The following SLCO3A1 variants were observed in gnomAD, a reference collection of about 807,000 sequenced individuals.
The protein encoded by SLCO3A1 is solute carrier organic anion transporter family member 3A1.
In SLCO3A1, 27 loss-of-function variants were observed where a neutral mutation model predicts 63.1. That is an observed-to-expected ratio of 0.43 (90% confidence interval 0.32 to 0.59). The LOEUF (loss-of-function observed/expected upper bound fraction) is 0.59, where lower values mean the gene tolerates loss of function less well. Among genes scored for constraint, SLCO3A1 ranks in the 20% least tolerant of loss-of-function variants. The pLI is 0.09. For synonymous variants in SLCO3A1, 473 were observed against 409.9 expected (o/e 1.15, Z -1.86); for missense variants, 773 against 945.8 (o/e 0.82, Z 2.40).
rs1335340968 is a variant in SLCO3A1 at position 91,916,852 on chromosome 15, C to T, written c.646+394C>T. On this transcript the variant is annotated intron_variant, in intron 2 of 9. Coordinates refer to ENST00000318445, the MANE Select transcript of SLCO3A1 (RefSeq NM_013272.4). This position sits in a 1 kb window ranked among gnomAD's most constrained non-coding sequence, Gnocchi z 6.2. ...CAGCTTTGAAGAATCAGAATGATGT[C>T]CTGGTCATTGTCCTGTTGCAGCTCA... 6.6e-6 allele frequency among the ~76,000 whole-genome samples: 1 copy of T among 152,134 alleles called. No homozygotes were observed. The highest frequency in any genetic ancestry group is 2.4e-5 in the African/African-American group (1 of 41,410).
In SLCO3A1 at chr15:92,016,205, A is replaced by ATAGATAGAT. The variant is rs2046425083; in HGVS notation, c.647-78675_647-78667dup. On this transcript the variant is annotated intron_variant, in intron 2 of 9. Transcript: ENST00000318445. ...GCAGATTTGTTGTATATATATTTATATAGATAGATAGATAGATAGATAGAT... is the reference window on the plus strand; with the variant it reads ...GCAGATTTGTTGTATATATATTTATATAGATAGATTAGATAGATAGATAGATAGATAGAT... 3.4e-4 allele frequency among the ~76,000 whole-genome samples: 9 copies of ATAGATAGAT among 26,828 alleles called. No homozygotes were observed. The South Asian group carries it at 0.012, about 35-fold the overall frequency. The allele number at this position is 26,828 out of a possible 152,430, so 17.6% of individuals were successfully genotyped here.
At chr15:92,136,792 A>G (rs1160205890) in intron 7 of SLCO3A1, among the ~76,000 whole-genome samples, 4 of 152,088 alleles carry the variant, frequency 2.6e-5, no homozygotes, top group African/African-American at 7.2e-5. Flanking sequence ...GGTTTCTTGT[A>G]CATCCTTCTG....
chr15:92,052,924 T>C (rs2046974751), intron 2 of SLCO3A1, among the ~76,000 whole-genome samples: 1 of 152,242 alleles, frequency 6.6e-6, no homozygotes, highest in East Asian at 1.9e-4. Context: ...TTTACTTTTA[T>C]ATTGTGGCTA....
At chr15:92,075,811 G>C (rs1326787007) in intron 2 of SLCO3A1, among the ~76,000 whole-genome samples, 1 of 152,198 alleles carries the variant, frequency 6.6e-6, no homozygotes, top group African/African-American at 2.4e-5. Flanking sequence ...CTTTGAGATG[G>C]TTCCGCCAGT....
intron 2 of SLCO3A1, among the ~76,000 whole-genome samples, chr15:92,076,139 A>G (rs942725683): frequency 6.6e-6 from 1 of 152,178 alleles, no homozygotes; most frequent in African/African-American, 2.4e-5. Context: ...TGTCCCCCTT[A>G]GTGATAAAAT....
intron 2 of SLCO3A1, among the ~76,000 whole-genome samples, chr15:92,057,168 A>G (rs2047031667): frequency 1.3e-5 from 2 of 152,126 alleles, no homozygotes; most frequent in South Asian, 4.1e-4. Context: ...TTCCAAGCCG[A>G]AGGTGCTGGG....
At chr15:91,972,745 C>T (rs544697336) in intron 2 of SLCO3A1, among the ~76,000 whole-genome samples, 11 of 152,288 alleles carry the variant, frequency 7.2e-5, no homozygotes, top group South Asian at 2.1e-4. Context: ...CCTTGCGTGG[C>T]CTCTGGTGTG....
intron 1 of SLCO3A1, among the ~76,000 whole-genome samples, chr15:91,905,629 T>TGG (rs1555448418): frequency 8.2e-6 from 1 of 121,700 alleles, no homozygotes; most frequent in East Asian, 3.0e-4. Flanking sequence ...ATGCTTAGTT[T>TGG]TTTGTTTTTT....
chr15:92,002,741 AT>A (rs1295902133), intron 2 of SLCO3A1, among the ~76,000 whole-genome samples: 6 of 152,228 alleles, frequency 3.9e-5, no homozygotes, highest in Admixed American at 6.5e-5. Flanking sequence ...ATATTCTATA[AT>A]ATTTGAATTA....
chr15:92,117,243 G>A (rs1289253028), intron 4 of SLCO3A1, among the ~76,000 whole-genome samples: 1 of 152,200 alleles, frequency 6.6e-6, no homozygotes, highest in Non-Finnish European at 1.5e-5. Context: ...TGATAAAACT[G>A]AAATCATCAT....
intron 1 of SLCO3A1, among the ~76,000 whole-genome samples, chr15:91,861,033 C>T (rs1897035824): frequency 6.6e-6 from 1 of 152,216 alleles, no homozygotes; most frequent in Admixed American, 6.5e-5. Flanking sequence ...CTGGTCACAC[C>T]TGTCCTTGCG....
intron 6 of SLCO3A1, among the ~76,000 whole-genome samples, chr15:92,127,284 G>A (rs189446448): frequency 5.3e-5 from 8 of 152,344 alleles, no homozygotes; most frequent in African/African-American, 1.9e-4. Context: ...AACTCCCAAG[G>A]AGTAAAGGGT....
intron 7 of SLCO3A1, among the ~76,000 whole-genome samples, chr15:92,136,840 T>A (rs4777733): frequency 9.9e-5 from 15 of 152,154 alleles, no homozygotes; most frequent in East Asian, 3.9e-4. Context: ...ATTCTGTACC[T>A]CACTATTTTG....
At chr15:92,003,120 G>A (rs1047190792) in intron 2 of SLCO3A1, among the ~76,000 whole-genome samples, 3 of 152,080 alleles carry the variant, frequency 2.0e-5, no homozygotes, top group Admixed American at 6.5e-5. Flanking sequence ...GTATCTTTAC[G>A]TGCCCAAGTC....
At chr15:91,874,029 GA>G (rs1232291302) in intron 1 of SLCO3A1, among the ~76,000 whole-genome samples, 9 of 152,036 alleles carry the variant, frequency 5.9e-5, no homozygotes, top group African/African-American at 2.2e-4. Flanking sequence ...TATGTTCCAA[GA>G]CCCCTGATAT....
intron 2 of SLCO3A1, among the ~76,000 whole-genome samples, chr15:92,058,848 A>G (rs2047052849): frequency 6.6e-6 from 1 of 152,104 alleles, no homozygotes; most frequent in Non-Finnish European, 1.5e-5. Context: ...GCGAGGTGTT[A>G]TTTGGCTTAG....
At chr15:91,987,423 T>A (rs1003243532) in intron 2 of SLCO3A1, among the ~76,000 whole-genome samples, 1 of 152,214 alleles carries the variant, frequency 6.6e-6, no homozygotes, top group Non-Finnish European at 1.5e-5. Context: ...TTGGAATTTA[T>A]GTATTATTGA....
chr15:92,028,182 G>T (rs1364156401), intron 2 of SLCO3A1, among the ~76,000 whole-genome samples: 1 of 152,190 alleles, frequency 6.6e-6, no homozygotes, highest in Non-Finnish European at 1.5e-5. Flanking sequence ...AGGCTGGTCG[G>T]TCGTATGTCA....
rs996065653 is a variant in SLCO3A1, at chr15:92,164,834, G to A, written c.*1699G>A. 12 of 985,252 alleles carry A rather than the reference G, an allele frequency of 1.2e-5. No homozygotes were observed. Among genetic ancestry groups the A allele is most frequent in the Non-Finnish European group, 1.3e-5 (11 of 829,934 alleles). The allele number at this position is 985,252 out of a possible 1,614,324, so 61.0% of individuals were successfully genotyped here. A position where few individuals can be genotyped will look rare whatever the true frequency, so the allele number is the denominator to read the frequency against. ...CACTAGGCCTTCTACGGCCATTTCT[G>A]TAAGGGGACAGAGCTTAGGTAAAGG... On this transcript the variant is annotated 3_prime_UTR_variant, in exon 10 of 10. Coordinates refer to ENST00000318445, the MANE Select transcript of SLCO3A1 (RefSeq NM_013272.4).
Sources: allele counts gnomAD v4.1 joint callset (sites outside exome capture counted in the v4.1 genomes callset), GRCh38; gene constraint gnomAD v4.1.1; non-coding constraint Gnocchi (gnomAD v3.1); transcripts MANE v1.5; gene names NCBI Gene and HGNC (gene_info 2026-07-23, HGNC 2026-07-21).